APC: variants seen among roughly 807,000 people sequenced by gnomAD.
APC encodes adenomatous polyposis coli protein.
A neutral mutation model predicts 247.0 loss-of-function variants in APC; 72 were observed. The observed-to-expected ratio is 0.29, with a 90% CI of 0.24 to 0.35. The LOEUF (loss-of-function observed/expected upper bound fraction) is 0.35, where lower values mean the gene tolerates loss of function less well. Among genes scored for constraint, APC ranks in the 10% least tolerant of loss-of-function variants. The pLI, the probability that APC is intolerant of heterozygous loss-of-function variation, is 1.00. For missense variants in APC, 3,400 were observed against 3,360.7 expected, an observed-to-expected ratio of 1.01 and a Z score of -0.29; for synonymous variants, 1,254 against 1,162.5, an observed-to-expected ratio of 1.08 and a Z score of -1.60.
At position 112,841,686 on chromosome 5, in the gene APC, G is replaced by C. The variant is rs1580667450; in HGVS notation, c.6092G>C (p.Ser2031Thr). Residue 2031 changes from serine (S) to threonine (T), a missense_variant, in exon 16 of 16, where the codon AGT becomes ACT. Physicochemically the swap from Ser to Thr is moderately conservative, Grantham distance 58 (BLOSUM62 1). This residue lies in a region of APC where 1,788 missense variants were observed against 1,649.5 expected (regional missense o/e 1.08). Coordinates refer to ENST00000257430, the MANE Select transcript of APC (RefSeq NM_000038.6). This position sits in a 1 kb window ranked among gnomAD's most constrained non-coding sequence, Gnocchi z 4.6. ...AGAAACAGTTCTCTCAGTTCTCTTA[G>C]TATTGACTCTGAAGATGACCTGTTG... is the stretch of plus-strand genomic sequence containing the variant. ...FSRNSSLSSL[S>T]IDSEDDLLQE... The C allele has an allele frequency of 6.2e-7, 1 of 1,613,906 alleles. No homozygotes were observed.
Position 112,843,768 on chromosome 5 carries a change from T to G in APC, c.8174T>G (p.Phe2725Cys), listed in dbSNP as rs2150000432. The G allele has an allele frequency of 6.2e-7, 1 of 1,613,954 alleles. No homozygotes were observed. The highest frequency in any genetic ancestry group is 8.5e-7 in the Non-Finnish European group (1 of 1,179,822). ...GGTTTGGAAAATCGCCTGAACTCCT[T>G]TATTCAGGTGGATGCCCCTGACCAA... ...TVGLENRLNS[F>C]IQVDAPDQKG... is the part of the protein sequence containing the mutation. Residue 2725 changes from phenylalanine to cysteine, a missense_variant, in exon 16 of 16, where the codon TTT becomes TGT. Around this residue, in one of 9 missense-constraint regions of APC, gnomAD observed 1,788 missense variants for 1,649.5 expected, o/e 1.08. Transcript: ENST00000257430. The surrounding 1 kb of genome is among the most constrained non-coding windows in gnomAD (Gnocchi z 4.8).
intron 2 of APC, among the ~76,000 whole-genome samples, chr5:112,757,961 T>C (rs116100306): frequency 6.6e-6 from 1 of 152,202 alleles, no homozygotes; most frequent in Non-Finnish European, 1.5e-5. Flanking sequence ...AATATACATA[T>C]TGAAATATTT....
chr5:112,778,547 C>T (rs1299225702), intron 5 of APC: 1 of 131,902 alleles, frequency 7.6e-6, no homozygotes. Context: ...TTTCACGTAA[C>T]TTATTTTTTT....
intron 1 of APC, among the ~76,000 whole-genome samples, chr5:112,754,213 C>A (rs985232304): frequency 2.1e-4 from 32 of 152,202 alleles, no homozygotes; most frequent in African/African-American, 7.7e-4. Flanking sequence ...TATAGTCAAC[C>A]TTTTGAATAA....
chr5:112,735,500 C>CATACATAT, upstream of APC, among the ~76,000 whole-genome samples: 1 of 146,648 alleles, frequency 6.8e-6, no homozygotes, highest in African/African-American at 2.5e-5. Flanking sequence ...TTAATGCATA[C>CATACATAT]ATATATATAT....
At chr5:112,836,929 A>G (rs554007443) in intron 15 of APC, among the ~76,000 whole-genome samples, 2 of 151,826 alleles carry the variant, frequency 1.3e-5, no homozygotes, top group East Asian at 1.9e-4. Flanking sequence ...TTGATCTCCT[A>G]ATCTCAGGTG....
rs1433833202 is a variant in APC at position 112,772,022 on chromosome 5, C to T, written c.423-3607C>T. Among the ~76,000 whole-genome samples the T allele has an allele frequency of 5.9e-5, 9 of 152,038 alleles. No homozygotes were observed. The South Asian group carries it at 1.7e-3, about 28-fold the overall frequency. On this transcript the variant is annotated intron_variant, in intron 4 of 15. Coordinates refer to ENST00000257430, the MANE Select transcript of APC (RefSeq NM_000038.6). ...TTTTTTTAAAGTCCTTAGCACTATG[C>T]CCAGTACATACAGCATTCAATAATG...
At chr5:112,820,325 A>G (rs1762990718) in intron 10 of APC, among the ~76,000 whole-genome samples, 1 of 152,062 alleles carries the variant, frequency 6.6e-6, no homozygotes, top group Non-Finnish European at 1.5e-5. Flanking sequence ...TTAGGTATGA[A>G]GGTGAATTTA....
chr5:112,813,854 C>T (rs1380315653), intron 8 of APC, among the ~76,000 whole-genome samples: 1 of 152,122 alleles, frequency 6.6e-6, no homozygotes, highest in Non-Finnish European at 1.5e-5. Context: ...CCCCTTGTAC[C>T]CTCTAGAGTA....
At chr5:112,777,533 A>G (rs1045774241) in intron 5 of APC, 2 of 160,370 alleles carry the variant, frequency 1.2e-5, no homozygotes, top group African/African-American at 2.4e-5. Flanking sequence ...AACTCTCCCA[A>G]TACTACTTTC....
chr5:112,782,089 A>G (rs1241622213), intron 6 of APC, among the ~76,000 whole-genome samples: 1 of 152,226 alleles, frequency 6.6e-6, no homozygotes, highest in Non-Finnish European at 1.5e-5. Context: ...TTACAAAAGA[A>G]AGAGGTTTAA....
intron 6 of APC, among the ~76,000 whole-genome samples, chr5:112,787,178 A>G (rs1378464691): frequency 6.6e-6 from 1 of 151,524 alleles, no homozygotes; most frequent in Non-Finnish European, 1.5e-5. Context: ...GTGAGCCACC[A>G]CTCTCGGCCT....
intron 1 of APC, among the ~76,000 whole-genome samples, chr5:112,716,750 A>G (rs1260549242): frequency 1.3e-5 from 2 of 152,192 alleles, no homozygotes; most frequent in African/African-American, 4.8e-5. Flanking sequence ...TAATAGCTAT[A>G]TCTTCTCAGT....
intron 1 of APC, among the ~76,000 whole-genome samples, chr5:112,730,939 C>G (rs1450220914): frequency 6.6e-6 from 1 of 151,614 alleles, no homozygotes; most frequent in Non-Finnish European, 1.5e-5. Context: ...AGGGAGGAAA[C>G]ATGATGTTTT....
chr5:112,766,111 GAGA>G, intron 2 of APC, among the ~76,000 whole-genome samples: 1 of 152,186 alleles, frequency 6.6e-6, no homozygotes, highest in Middle Eastern at 3.4e-3. Context: ...ACCTTGCACA[GAGA>G]CTCCCCATAA....
intron 1 of APC, among the ~76,000 whole-genome samples, chr5:112,722,267 G>A (rs1751522962): frequency 6.6e-6 from 1 of 152,090 alleles, no homozygotes; most frequent in Admixed American, 6.5e-5. Flanking sequence ...ATACTATTAT[G>A]GCATTTTAAA....
At position 112,818,508 on chromosome 5, in the gene APC, T is replaced by C. The variant is rs1348207164; in HGVS notation, c.934-458T>C. Among the ~76,000 whole-genome samples the C allele has an allele frequency of 2.6e-5, 4 of 152,188 alleles. No homozygotes were observed. The South Asian group carries it at 8.3e-4, about 32-fold the overall frequency. ...GCTGAGAATTAGTACTTAAAATTGT[T>C]GCAGAAATGTTTTCTGTTTATTGCT... is the stretch of plus-strand genomic sequence containing the variant. On this transcript the variant is annotated intron_variant, in intron 9 of 15. Coordinates refer to ENST00000257430, the MANE Select transcript of APC (RefSeq NM_000038.6).
At chr5:112,718,504 C>T (rs755559674) in intron 1 of APC, among the ~76,000 whole-genome samples, 1 of 152,222 alleles carries the variant, frequency 6.6e-6, no homozygotes, top group African/African-American at 2.4e-5. Flanking sequence ...CTGCAGTCCT[C>T]ACCCTTGGTG....
At chr5:112,725,685 C>T (rs1751735906) in intron 1 of APC, among the ~76,000 whole-genome samples, 2 of 151,966 alleles carry the variant, frequency 1.3e-5, no homozygotes, top group Admixed American at 6.6e-5. Context: ...CACCTGAGCC[C>T]AGGAGGTTGA....
Sources: allele counts gnomAD v4.1 joint callset (sites outside exome capture counted in the v4.1 genomes callset), GRCh38; gene constraint gnomAD v4.1.1; regional missense constraint gnomAD v4.1.1; non-coding constraint Gnocchi (gnomAD v3.1); transcripts MANE v1.5; gene names NCBI Gene and HGNC (gene_info 2026-07-23, HGNC 2026-07-21).